The following BIRC6 variants were observed in gnomAD, a reference collection of about 807,000 sequenced individuals.
The protein encoded by BIRC6 is baculoviral IAP repeat containing 6.
A neutral mutation model predicts 503.3 loss-of-function variants in BIRC6; 98 were observed. The ratio of observed to expected loss-of-function variants is 0.19; its 90% CI spans 0.17 to 0.23. The LOEUF is 0.23. BIRC6 is among the 10% of genes least tolerant of loss of function. BIRC6 has a pLI of 1.00. For synonymous variants in BIRC6, 2,240 were observed against 2,078.7 expected (o/e 1.08, Z -2.11); for missense variants, 5,360 against 5,806.0 (o/e 0.92, Z 2.50).
intron 56 of BIRC6, 140 bp downstream of exon 56, chr2:32,518,537 C>T (rs2149759911): frequency 1.1e-6 from 1 of 936,680 alleles, no homozygotes; most frequent in East Asian, 2.6e-5. Context: ...AATGACAGAA[C>T]TTGACAATTT....
intron 72 of BIRC6, among the ~76,000 whole-genome samples, chr2:32,608,169 T>A (rs1170970452): frequency 6.6e-6 from 1 of 150,662 alleles, no homozygotes; most frequent in African/African-American, 2.4e-5. Flanking sequence ...TGGTGGCACC[T>A]GTAGTCTTAG....
rs2055273702 is a variant in BIRC6, at chr2:32,518,236, A to G, written c.11350-18A>G. 3 of 1,603,200 alleles carry G rather than the reference A, an allele frequency of 1.9e-6. No homozygotes were observed. In the Admixed American group the frequency reaches 5.2e-5, roughly 28 times the overall value. On this transcript the variant is annotated intron_variant, in intron 55 of 73. Coordinates refer to ENST00000421745, the MANE Select transcript of BIRC6 (RefSeq NM_016252.4). ...TATAAATCTTGCATTTAACTTTTTA[A>G]ATATTTTGTCTTGCCAGGTTCTTTG... is the stretch of plus-strand genomic sequence containing the variant.
At chr2:32,455,661 A>T (rs1315072664) in intron 23 of BIRC6, among the ~76,000 whole-genome samples, 5 of 152,180 alleles carry the variant, frequency 3.3e-5, no homozygotes, top group African/African-American at 1.2e-4. Context: ...CTGGATTTTT[A>T]TTTTATTTTA....
Position 32,463,179 on chromosome 2 carries a change from C to T in BIRC6, c.4754-15C>T, listed in dbSNP as rs1204080072. ...GTGTTTTTTGTTTTTGTTTTTACCC[C>T]TTGTCTTATGCCAGTGAGTTCCTTC... On this transcript the variant is annotated splice_polypyrimidine_tract_variant and intron_variant, in intron 23 of 73. Coordinates refer to ENST00000421745, the MANE Select transcript of BIRC6 (RefSeq NM_016252.4). 6.3e-7 allele frequency: 1 copy of T among 1,585,024 alleles called. No individual in the cohort carries two copies. The highest frequency in any genetic ancestry group is 1.2e-5 in the South Asian group (1 of 85,840).
At chr2:32,383,077 GTC>G (rs943841776) in intron 3 of BIRC6, among the ~76,000 whole-genome samples, 1 of 145,016 alleles carries the variant, frequency 6.9e-6, no homozygotes, top group African/African-American at 2.6e-5. Flanking sequence ...GACGGAGTCT[GTC>G]TCTGTCACCC....
intron 1 of BIRC6, among the ~76,000 whole-genome samples, chr2:32,369,916 C>T (rs1186953706): frequency 1.7e-4 from 16 of 95,050 alleles, no homozygotes; most frequent in African/African-American, 7.0e-4. Context: ...CATAGTGAGA[C>T]CCTGTCTCTT....
chr2:32,547,972 T>A lies in BIRC6; in HGVS notation c.12933T>A (p.Thr4311=). Residue 4311 remains threonine, a synonymous_variant, in exon 64 of 74, where the codon ACT becomes ACA. Coordinates refer to ENST00000421745, the MANE Select transcript of BIRC6 (RefSeq NM_016252.4). The part of the protein sequence containing the change: ...ASGWDVEQAL[T]KQRLEEEHVT... The stretch of plus-strand genomic sequence containing the variant: ...GGTGGGATGTGGAACAAGCCTTAAC[T>A]AAGCAAAGGCTGGAAGAGGAACATG... 1 of 1,611,910 alleles carries A rather than the reference T, an allele frequency of 6.2e-7. No homozygotes were observed. The highest frequency in any genetic ancestry group is 8.5e-7 in the Non-Finnish European group (1 of 1,179,210).
At chr2:32,372,056 C>T (rs568467797) in intron 1 of BIRC6, among the ~76,000 whole-genome samples, 4 of 152,270 alleles carry the variant, frequency 2.6e-5, no homozygotes, top group East Asian at 3.9e-4. Flanking sequence ...CCGCCCGCCT[C>T]GGCCTCTTGA....
At chr2:32,467,050 C>T (rs962173428) in intron 26 of BIRC6, among the ~76,000 whole-genome samples, 6 of 147,748 alleles carry the variant, frequency 4.1e-5, no homozygotes, top group East Asian at 4.0e-4. Flanking sequence ...ACCCAGGAGG[C>T]GGAGCTTGCA....
At chr2:32,424,323 G>A (rs756182019) in intron 10 of BIRC6, among the ~76,000 whole-genome samples, 3 of 152,070 alleles carry the variant, frequency 2.0e-5, no homozygotes, top group South Asian at 2.1e-4. Context: ...TCATCACTGC[G>A]AGGTCTTGGA....
intron 65 of BIRC6, among the ~76,000 whole-genome samples, chr2:32,567,740 C>T (rs1375408934): frequency 6.6e-6 from 1 of 152,122 alleles, no homozygotes. Flanking sequence ...ATAGTACACA[C>T]AGAGAAACAT....
chr2:32,546,623 G>T (rs2058069417), intron 63 of BIRC6, among the ~76,000 whole-genome samples: 1 of 151,780 alleles, frequency 6.6e-6, no homozygotes, highest in African/African-American at 2.4e-5. Context: ...TGGCATAAGT[G>T]AGTTTATTAA....
rs542482974 is a variant in BIRC6, at chr2:32,537,882, C to T, written c.12292-5359C>T. Among the ~76,000 whole-genome samples, 5 of 152,050 alleles carry T rather than the reference C, an allele frequency of 3.3e-5. No homozygotes were observed. The South Asian group carries it at 1.0e-3, about 32-fold the overall frequency. On this transcript the variant is annotated intron_variant, in intron 61 of 73. Transcript: ENST00000421745. Reference sequence around the variant, plus strand: ...TCTGGAGGCTGAGGCAGGAGAATGGCCTGAACCCCAGAGGGCGGAGCCTGC... The same window carrying T: ...TCTGGAGGCTGAGGCAGGAGAATGGTCTGAACCCCAGAGGGCGGAGCCTGC...
Position 32,478,721 on chromosome 2 carries a change from A to C in BIRC6, c.7155A>C (p.Leu2385Phe). The part of the protein sequence containing the change: ...VNEPQLERLL[L>F]LLVGTDFNRG... ...AACCCCAGCTGGAAAGACTGCTGTTACTTTTGGTTGGAACTGACTTCAATA... is the reference window on the plus strand; with the variant it reads ...AACCCCAGCTGGAAAGACTGCTGTTCCTTTTGGTTGGAACTGACTTCAATA... Residue 2385 changes from leucine to phenylalanine, a missense_variant, in exon 36 of 74, where the codon TTA becomes TTC. Coordinates refer to ENST00000421745, the MANE Select transcript of BIRC6 (RefSeq NM_016252.4). 2 of 1,613,946 alleles carry C rather than the reference A, an allele frequency of 1.2e-6. No individual in the cohort carries two copies. Among genetic ancestry groups the C allele is most frequent in the Non-Finnish European group, 1.7e-6 (2 of 1,179,862 alleles).
intron 9 of BIRC6, among the ~76,000 whole-genome samples, chr2:32,407,525 T>A (rs913899914): frequency 6.6e-6 from 1 of 152,060 alleles, no homozygotes. Context: ...CCAGTATTTT[T>A]AAAAAGTGAC....
intron 6 of BIRC6, among the ~76,000 whole-genome samples, chr2:32,400,530 G>T (rs2149727496): frequency 6.6e-6 from 1 of 151,756 alleles, no homozygotes; most frequent in Admixed American, 6.6e-5. Flanking sequence ...GTAGAGACGG[G>T]GTTTCACCGT....
chr2:32,393,958 A>G (rs1488945332), intron 5 of BIRC6, among the ~76,000 whole-genome samples: 1 of 150,444 alleles, frequency 6.6e-6, no homozygotes, highest in Non-Finnish European at 1.5e-5. Context: ...ATATATATAT[A>G]TATATATATA....
chr2:32,384,485 G>A (rs973535341), intron 3 of BIRC6, among the ~76,000 whole-genome samples: 2 of 151,438 alleles, frequency 1.3e-5, no homozygotes, highest in African/African-American at 2.4e-5. Context: ...ATAATATTAC[G>A]GCAGAAAACT....
chr2:32,413,267 G>A (rs1438584681), intron 9 of BIRC6, among the ~76,000 whole-genome samples: 1 of 147,004 alleles, frequency 6.8e-6, no homozygotes, highest in Non-Finnish European at 1.5e-5. Flanking sequence ...CACAACCTCC[G>A]CCTTCTGGCT....
Sources: allele counts gnomAD v4.1 joint callset (sites outside exome capture counted in the v4.1 genomes callset), GRCh38; gene constraint gnomAD v4.1.1; transcripts MANE v1.5; gene names NCBI Gene and HGNC (gene_info 2026-07-23, HGNC 2026-07-21).